Variants in FAM151A observed in about 807,000 individuals in gnomAD.
FAM151A encodes family with sequence similarity 151 member A, also known as protein FAM151A.
In FAM151A, 41 loss-of-function variants were observed where a neutral mutation model predicts 40.4. The ratio of observed to expected loss-of-function variants is 1.01; its 90% CI spans 0.79 to 1.32. FAM151A has a LOEUF of 1.32. Among genes scored for constraint, FAM151A ranks in the 40% most tolerant of loss-of-function variants. FAM151A has a pLI of 0.00. For missense variants in FAM151A, 740 were observed against 740.4 expected (o/e 1.00, Z 0.01); for synonymous variants, 337 against 312.5 (o/e 1.08, Z -0.83).
At chr1:54,621,428 G>A (rs1033132153) in intron 1 of FAM151A, 3 of 152,146 alleles carry the variant, frequency 2.0e-5, no homozygotes, top group Non-Finnish European at 2.9e-5. Context: ...CTGCACTCCA[G>A]TCTGGGCGAC....
At chr1:54,621,832 G>C (rs981573414) in intron 1 of FAM151A, 1 of 152,488 alleles carries the variant, frequency 6.6e-6, no homozygotes, top group Admixed American at 6.5e-5. Context: ...AGAGGCTGCA[G>C]GGGTGAGCAG....
intron 1 of FAM151A, among the ~76,000 whole-genome samples, chr1:54,623,053 G>A (rs1287179425): frequency 1.3e-5 from 2 of 152,072 alleles, no homozygotes; most frequent in East Asian, 1.9e-4. Context: ...GCGGGTGCCT[G>A]TAATCCCAGC....
chr1:54,609,968 G>A (rs767851852), intron 7 of FAM151A, 27 bp from the exon 8 acceptor site: 2 of 1,587,848 alleles, frequency 1.3e-6, no homozygotes, highest in African/African-American at 1.3e-5. Context: ...AGGCAACAGT[G>A]TTTAGGATTT....
intron 3 of FAM151A, among the ~76,000 whole-genome samples, chr1:54,615,379 G>C (rs955481679): frequency 6.6e-6 from 1 of 152,166 alleles, no homozygotes; most frequent in Non-Finnish European, 1.5e-5. Context: ...TTTTTCCTGA[G>C]GACAATGGGG....
In FAM151A at chr1:54,623,508, C is replaced by T. The variant is rs1255182275; in HGVS notation, c.-113G>A. ...GCTCCCAGCAGCACCTAATTCTCCA[C>T]CGGGCCTGGTCTGCTCTGCAGCCCT... On this transcript the variant is annotated 5_prime_UTR_variant, in exon 1 of 8. The change creates a new upstream start codon in the 5' untranslated region. Transcript: ENST00000302250. The T allele has an allele frequency of 5.1e-6, 4 of 783,754 alleles. No individual in the cohort carries two copies. Among genetic ancestry groups the T allele is most frequent in the African/African-American group, 3.4e-5 (2 of 58,728 alleles). The allele number at this position is 783,754 out of a possible 1,614,324, so 48.5% of individuals were successfully genotyped here. A position where few individuals can be genotyped will look rare whatever the true frequency, so the allele number is the denominator to read the frequency against.
At chr1:54,617,088 TC>T (rs2101021332) in intron 2 of FAM151A, among the ~76,000 whole-genome samples, 1 of 152,344 alleles carries the variant, frequency 6.6e-6, no homozygotes, top group Non-Finnish European at 1.5e-5. Context: ...AGGTTGCCCA[TC>T]TCACCACATC....
In FAM151A at chr1:54,615,512, G is replaced by A. The variant is rs115695788; in HGVS notation, c.415+508C>T. 4.0e-3 allele frequency among the ~76,000 whole-genome samples: 605 copies of A among 152,252 alleles called. 4 individuals carry two copies. The highest frequency in any genetic ancestry group is 0.013 in the African/African-American group (521 of 41,538). ...CCTGGAAGGGCTGAATTTGGGGCAGGAAGCCAGTGAGGAGGGAGGTCCTGG... is the reference window on the plus strand; with the variant it reads ...CCTGGAAGGGCTGAATTTGGGGCAGAAAGCCAGTGAGGAGGGAGGTCCTGG... On this transcript the variant is annotated intron_variant, in intron 3 of 7. Coordinates refer to ENST00000302250, the MANE Select transcript of FAM151A (RefSeq NM_176782.3).
rs56229276 is a variant in FAM151A, at chr1:54,617,709, A to ATTTT, written c.263-1541_263-1538dup. 8.8e-3 allele frequency among the ~76,000 whole-genome samples: 491 copies of ATTTT among 55,764 alleles called. 104 individuals are homozygous for ATTTT. The highest frequency in any genetic ancestry group is 0.012 in the Non-Finnish European group (380 of 32,908). The allele number at this position is 55,764 out of a possible 152,430, so 36.6% of individuals were successfully genotyped here. On this transcript the variant is annotated intron_variant, in intron 2 of 7. Transcript: ENST00000302250. ...CACTAGGTCTGCAGCAGGGCCTGAGATTTTTTTTTTTTTTTTTTTTTTTTT... is the reference window on the plus strand; with the variant it reads ...CACTAGGTCTGCAGCAGGGCCTGAGATTTTTTTTTTTTTTTTTTTTTTTTTTTTT...
Position 54,609,508 on chromosome 1 carries a change from T to C in FAM151A, c.1518A>G (p.Gln506=), listed in dbSNP as rs765831243. The C allele has an allele frequency of 1.5e-5, 24 of 1,613,104 alleles. No individual in the cohort carries two copies. The African/African-American group carries it at 2.8e-4, about 19-fold the overall frequency. The change falls in exon 8 of 8, where the codon CAA becomes CAG. Residue 506 remains glutamine (Q), a synonymous_variant. Transcript: ENST00000302250. ...TGGCCTGCATCTGGAAGGACACAGG[T>C]TGCCAGAGCCCCTGGCACAACTCTA... ...DMLELCQGLW[Q]PVSFQMQAML...
chr1:54,622,238 C>T (rs912658261), intron 1 of FAM151A, among the ~76,000 whole-genome samples: 4 of 137,480 alleles, frequency 2.9e-5, no homozygotes, highest in East Asian at 2.2e-4. Flanking sequence ...ATCATGTCAC[C>T]GCACTCTAGG....
Position 54,609,333 on chromosome 1 carries a change from G to T in FAM151A, c.1693C>A (p.Arg565=). 6.2e-7 allele frequency: 1 copy of T among 1,613,970 alleles called. No homozygotes were observed. Among genetic ancestry groups the T allele is most frequent in the Non-Finnish European group, 8.5e-7 (1 of 1,179,908 alleles). The change falls in exon 8 of 8, where the codon CGA becomes AGA. Residue 565 remains arginine, a synonymous_variant. Coordinates refer to ENST00000302250, the MANE Select transcript of FAM151A (RefSeq NM_176782.3). The part of the protein sequence containing the change: ...LLAARAVDRT[R]VYYRLPQGYH... ...CCCTGGGGTAGCCTGTAGTAGACTC[G>T]GGTCCTGTCCACAGCCCTAGCTGCC...
At chr1:54,615,978 A>G (rs1190158621) in intron 3 of FAM151A, 42 bp downstream of exon 3, 1 of 1,602,768 alleles carries the variant, frequency 6.2e-7, no homozygotes. Context: ...CCCCAGGGCC[A>G]GAGGGCTGGG....
intron 2 of FAM151A, 101 bp from the exon 3 acceptor site, chr1:54,616,273 CA>C: frequency 9.5e-7 from 1 of 1,056,624 alleles, no homozygotes. Context: ...TTGAGAAATA[CA>C]GAAAAGTGGA....
rs549265919 is a variant in FAM151A at position 54,610,088 on chromosome 1, T to C, written c.1085-147A>G. The C allele has an allele frequency of 3.5e-6, 5 of 1,435,198 alleles. No homozygotes were observed. In the African/African-American group the frequency reaches 7.2e-5, roughly 21 times the overall value. The allele number at this position is 1,435,198 out of a possible 1,614,324, so 88.9% of individuals were successfully genotyped here. A position where few individuals can be genotyped will look rare whatever the true frequency, so the allele number is the denominator to read the frequency against. ...TGTCAACCCAGTTTTGGGCTCCAGG[T>C]GGATGGGTTGCTTTATAAATGTGCC... On this transcript the variant is annotated intron_variant, in intron 7 of 7. Coordinates refer to ENST00000302250, the MANE Select transcript of FAM151A (RefSeq NM_176782.3).
chr1:54,614,696 T>A lies in FAM151A; in HGVS notation c.575+4A>T. On this transcript the variant is annotated splice_donor_region_variant and intron_variant, in intron 4 of 7. Coordinates refer to ENST00000302250, the MANE Select transcript of FAM151A (RefSeq NM_176782.3). Reference sequence around the variant, plus strand: ...ACAGCTGGGACAGAGAGGCGAACACTCACTGTGTGGCATTGACCTCAGTTG... The same window carrying A: ...ACAGCTGGGACAGAGAGGCGAACACACACTGTGTGGCATTGACCTCAGTTG... The A allele has an allele frequency of 6.2e-7, 1 of 1,609,508 alleles. No individual in the cohort carries two copies. The highest frequency in any genetic ancestry group is 8.5e-7 in the Non-Finnish European group (1 of 1,176,788).
chr1:54,611,707 A>G lies in FAM151A; in HGVS notation c.839T>C (p.Met280Thr), dbSNP rs1260531162. Reference sequence around the variant, plus strand: ...GACGTAGAGCAGATCTTCCACCGACATGGGGTCCGAGGCAGCCTGCCACAG... The same window carrying G: ...GACGTAGAGCAGATCTTCCACCGACGTGGGGTCCGAGGCAGCCTGCCACAG... The part of the protein sequence containing the change: ...LTLWQAASDP[M>T]SVEDLLYVRD... Residue 280 changes from methionine to threonine, a missense_variant, in exon 6 of 8, where the codon ATG becomes ACG. Coordinates refer to ENST00000302250, the MANE Select transcript of FAM151A (RefSeq NM_176782.3). 2 of 1,614,078 alleles carry G rather than the reference A, an allele frequency of 1.2e-6. No individual in the cohort carries two copies. The highest frequency in any genetic ancestry group is 1.3e-5 in the African/African-American group (1 of 75,044).
At chr1:54,613,155 G>GA (rs1307004463) in intron 4 of FAM151A, among the ~76,000 whole-genome samples, 23 of 152,144 alleles carry the variant, frequency 1.5e-4, no homozygotes, top group African/African-American at 5.5e-4. Context: ...TGAGGCAGGT[G>GA]AATCACCTGA....
At chr1:54,619,759 C>T (rs772147983) in intron 2 of FAM151A, 105 bp downstream of exon 2, 70 of 1,196,734 alleles carry the variant, frequency 5.8e-5, no homozygotes, top group Non-Finnish European at 8.0e-5. Context: ...GACATGTAAA[C>T]AGCCATCATG....
At chr1:54,622,907 AC>A (rs1305665221) in intron 1 of FAM151A, among the ~76,000 whole-genome samples, 5 of 151,414 alleles carry the variant, frequency 3.3e-5, no homozygotes, top group Non-Finnish European at 7.4e-5. Context: ...AGGCATGATG[AC>A]TCACACCTGT....
Sources: allele counts gnomAD v4.1 joint callset (sites outside exome capture counted in the v4.1 genomes callset), GRCh38; gene constraint gnomAD v4.1.1; transcripts MANE v1.5; gene names NCBI Gene and HGNC (gene_info 2026-07-23, HGNC 2026-07-21).